The following DMD variants were observed in gnomAD, a reference collection of about 807,000 sequenced individuals.
DMD encodes the protein dystrophin.
A neutral mutation model predicts 330.1 loss-of-function variants in DMD; 63 were observed. The ratio of observed to expected loss-of-function variants is 0.19; its 90% CI spans 0.16 to 0.24. DMD has a LOEUF of 0.24. Ranked by LOEUF, DMD falls within the 10% of genes least tolerant of loss-of-function variation. DMD has a pLI of 1.00. For missense variants in DMD, 3,344 were observed against 2,684.1 expected (o/e 1.25, Z -5.43); for synonymous variants, 1,223 against 959.8 (o/e 1.27, Z -5.07).
intron 21 of DMD, among the ~76,000 whole-genome samples, chrX:32,473,832 TTTATTTTTTATTTTTCCATAAG>T (rs1313755934): frequency 9.0e-6 from 1 of 110,948 alleles, no homozygotes; most frequent in Non-Finnish European, 1.9e-5. Context: ...ACCTGATGCA[TTTATTTTTTATTTTTCCATAAG>T]TTATTGGGGG....
chrX:33,236,604 T>G (rs59927387), intron 1 of DMD, among the ~76,000 whole-genome samples: 24,579 of 110,013 alleles, frequency 0.22, 5,242 homozygotes, highest in African/African-American at 0.68. Context: ...GTGTGGGGTG[T>G]GGTGGGGAAC....
rs2048818347 is a variant in DMD, at chrX:32,544,836, T to C, written c.2168+323A>G. On this transcript the variant is annotated intron_variant, in intron 17 of 78. Coordinates refer to ENST00000357033, the MANE Select transcript of DMD (RefSeq NM_004006.3). ...AACTAGGGACTCAACAAGCAGGCCC[T>C]TTATAAGGAAGAAAAAAAAAAAAGA... Among the ~76,000 whole-genome samples the C allele has an allele frequency of 1.8e-5, 2 of 108,753 alleles. 1 individual carries two copies. Among genetic ancestry groups the C allele is most frequent in the Admixed American group, 2.0e-4 (2 of 10,079 alleles). The allele number at this position is 108,753 out of a possible 115,157, so 94.4% of individuals were successfully genotyped here.
chrX:33,037,421 A>G (rs1237249157), intron 1 of DMD, among the ~76,000 whole-genome samples: 5 of 111,132 alleles, frequency 4.5e-5, no homozygotes, highest in African/African-American at 1.6e-4. Flanking sequence ...TATCTGCCAT[A>G]AACACATGAA....
chrX:31,493,990 C>A (rs778632139), intron 57 of DMD, among the ~76,000 whole-genome samples: 1 of 109,931 alleles, frequency 9.1e-6, no homozygotes, highest in Non-Finnish European at 1.9e-5. Flanking sequence ...AACCCTGTCT[C>A]TACTAAAAAT....
intron 2 of DMD, among the ~76,000 whole-genome samples, chrX:32,988,092 A>G (rs1460510162): frequency 9.0e-6 from 1 of 111,035 alleles, no homozygotes; most frequent in Admixed American, 9.7e-5. Context: ...TCATGGGTGT[A>G]CTTGTGTGTG....
intron 1 of DMD, among the ~76,000 whole-genome samples, chrX:33,096,854 C>A (rs1172642712): frequency 1.8e-5 from 2 of 112,756 alleles, no homozygotes; most frequent in Non-Finnish European, 3.7e-5. Context: ...CAACAAACCA[C>A]GTAACCACAC....
chrX:33,050,565 C>G, intron 1 of DMD, among the ~76,000 whole-genome samples: 1 of 111,910 alleles, frequency 8.9e-6, no homozygotes, highest in African/African-American at 3.2e-5. Flanking sequence ...CAATCAATCT[C>G]TAGCCTCTTT....
At chrX:31,612,310 T>C (rs2077968296) in intron 55 of DMD, among the ~76,000 whole-genome samples, 1 of 112,189 alleles carries the variant, frequency 8.9e-6, no homozygotes, top group Non-Finnish European at 1.9e-5. Flanking sequence ...TTTGATTTGC[T>C]GAATTCTTTT....
At chrX:33,006,661 A>C (rs895645457) in intron 2 of DMD, among the ~76,000 whole-genome samples, 8 of 111,759 alleles carry the variant, frequency 7.2e-5, no homozygotes, top group African/African-American at 2.6e-4. Flanking sequence ...ATACAATGCT[A>C]GAGGCACTTG....
chrX:32,464,050 C>G (rs5972578), intron 24 of DMD, among the ~76,000 whole-genome samples: 10,958 of 110,953 alleles, frequency 0.099, 501 homozygotes, highest in African/African-American at 0.16. Flanking sequence ...TGTTTTCTTC[C>G]TGCTGCATGA....
chrX:31,665,093 GTCA>G (rs1172489003), intron 53 of DMD, among the ~76,000 whole-genome samples: 1 of 111,749 alleles, frequency 8.9e-6, no homozygotes, highest in Non-Finnish European at 1.9e-5. Context: ...CAGTGAAAGA[GTCA>G]TCATAAAAAT....
At chrX:32,010,761 C>T (rs1029972466) in intron 44 of DMD, among the ~76,000 whole-genome samples, 1 of 111,979 alleles carries the variant, frequency 8.9e-6, no homozygotes, top group East Asian at 2.8e-4. Flanking sequence ...TGGTTATCAC[C>T]ATGACGGTAT....
chrX:32,397,931 G>C (rs1344071410), intron 30 of DMD, among the ~76,000 whole-genome samples: 2 of 111,101 alleles, frequency 1.8e-5, no homozygotes, highest in Non-Finnish European at 3.8e-5. Flanking sequence ...AAATATTTTA[G>C]TAAAAGATAT....
At chrX:33,276,788 C>G (rs1288722286) in intron 1 of DMD, among the ~76,000 whole-genome samples, 1 of 111,407 alleles carries the variant, frequency 9.0e-6, no homozygotes, top group Non-Finnish European at 1.9e-5. Context: ...TTGAATTTTT[C>G]TTTTTAATTT....
intron 2 of DMD, among the ~76,000 whole-genome samples, chrX:32,989,546 G>A (rs1011870019): frequency 9.0e-6 from 1 of 111,661 alleles, no homozygotes; most frequent in African/African-American, 3.2e-5. Context: ...ACCTTCACAC[G>A]AAAAGAATGA....
At chrX:31,340,025 C>A (rs5971568) in intron 61 of DMD, among the ~76,000 whole-genome samples, 9,675 of 112,068 alleles carry the variant, frequency 0.086, 332 homozygotes, top group African/African-American at 0.12. Context: ...AAGGTTTCCC[C>A]TATTTTTTAA....
At chrX:32,958,961 G>A (rs59467027) in intron 2 of DMD, among the ~76,000 whole-genome samples, 6 of 108,906 alleles carry the variant, frequency 5.5e-5, no homozygotes, top group Admixed American at 9.9e-5. Flanking sequence ...GGAATTTTTT[G>A]GGGGGGGATG....
chrX:32,946,544 A>T (rs1254262587), intron 2 of DMD, among the ~76,000 whole-genome samples: 1 of 111,940 alleles, frequency 8.9e-6, no homozygotes, highest in East Asian at 2.8e-4. Flanking sequence ...ATATCATATG[A>T]TCTACTAATC....
At chrX:31,298,623 T>G (rs1193593944) in intron 62 of DMD, among the ~76,000 whole-genome samples, 1 of 112,300 alleles carries the variant, frequency 8.9e-6, no homozygotes, top group East Asian at 2.8e-4. Context: ...TTTCCATGAA[T>G]TAAATTAAAA....
Sources: allele counts gnomAD v4.1 joint callset (sites outside exome capture counted in the v4.1 genomes callset), GRCh38; gene constraint gnomAD v4.1.1; transcripts MANE v1.5; gene names NCBI Gene and HGNC (gene_info 2026-07-23, HGNC 2026-07-21).